Variants in ARHGAP29 observed in about 807,000 individuals in gnomAD.
ARHGAP29 encodes Rho GTPase activating protein 29, also known as rho GTPase-activating protein 29.
A neutral mutation model predicts 122.6 loss-of-function variants in ARHGAP29; 43 were observed. The ratio of observed to expected loss-of-function variants is 0.35; its 90% CI spans 0.27 to 0.45. The LOEUF (loss-of-function observed/expected upper bound fraction) is 0.45. Among genes scored for constraint, ARHGAP29 ranks in the 20% least tolerant of loss-of-function variants. ARHGAP29 has a pLI of 1.00. For missense variants in ARHGAP29, 1,303 were observed against 1,477.2 expected (o/e 0.88, Z 1.93); for synonymous variants, 506 against 497.1 (o/e 1.02, Z -0.24).
Position 94,264,738 on chromosome 1 carries a change from C to T in ARHGAP29, c.-33+10274G>A, listed in dbSNP as rs369773038. 1.9e-4 allele frequency among the ~76,000 whole-genome samples: 29 copies of T among 152,282 alleles called. No homozygotes were observed. The South Asian group carries it at 3.3e-3, about 17-fold the overall frequency. On this transcript the variant is annotated intron_variant and NMD_transcript_variant, in intron 1 of 25. Transcript: ENST00000552844. ...TGATTTAGCTTTGCATGTCACAATCCTCCATCTCACCCCATCCCCGGTCTT... is the reference window on the plus strand; with the variant it reads ...TGATTTAGCTTTGCATGTCACAATCTTCCATCTCACCCCATCCCCGGTCTT...
intron 1 of ARHGAP29, among the ~76,000 whole-genome samples, chr1:94,264,266 T>C (rs539900295): frequency 6.6e-6 from 1 of 152,296 alleles, no homozygotes; most frequent in South Asian, 2.1e-4. Flanking sequence ...AGTTCTTTGG[T>C]TCCTCTCTGA....
At chr1:94,190,173 A>C in intron 12 of ARHGAP29, 90 bp from the exon 13 acceptor site, 1 of 1,349,166 alleles carries the variant, frequency 7.4e-7, no homozygotes, top group Non-Finnish European at 1.0e-6. Flanking sequence ...CACCAATAAA[A>C]ATGCCATACA....
chr1:94,266,198 G>T (rs552716853), intron 1 of ARHGAP29, among the ~76,000 whole-genome samples: 2 of 152,268 alleles, frequency 1.3e-5, no homozygotes, highest in South Asian at 4.1e-4. Flanking sequence ...CAGGCAAATG[G>T]ACTGGCATGT....
At chr1:94,208,740 A>C (rs1651380383) in intron 5 of ARHGAP29, 92 bp downstream of exon 5, 1 of 1,271,684 alleles carries the variant, frequency 7.9e-7, no homozygotes, top group Non-Finnish European at 1.1e-6. Context: ...GATTACAGGT[A>C]TGAGCCACCA....
intron 11 of ARHGAP29, chr1:94,202,129 A>G: frequency 2.3e-6 from 1 of 434,906 alleles, no homozygotes; most frequent in Admixed American, 4.0e-5. Context: ...ATTCCATATA[A>G]TCTTACAGAA....
intron 1 of ARHGAP29, among the ~76,000 whole-genome samples, chr1:94,259,987 T>C (rs772662546): frequency 1.6e-4 from 24 of 152,178 alleles, no homozygotes; most frequent in Non-Finnish European, 2.6e-4. Flanking sequence ...AATGCAAAAG[T>C]CTCTACGGAG....
At position 94,177,849 on chromosome 1, in the gene ARHGAP29, C is replaced by T; in HGVS notation, c.2796+3G>A. 6.2e-7 allele frequency: 1 copy of T among 1,603,494 alleles called. No individual in the cohort carries two copies. The highest frequency in any genetic ancestry group is 8.5e-7 in the Non-Finnish European group (1 of 1,176,344). ...AATATAATTCTATAAAGGTCAAACT[C>T]ACTTCCTTTGAAGAAAAAAATAGTG... On this transcript the variant is annotated splice_donor_region_variant and intron_variant, in intron 21 of 22. Transcript: ENST00000260526.
chr1:94,272,018 G>A (rs545952648), intron 1 of ARHGAP29, among the ~76,000 whole-genome samples: 2 of 152,142 alleles, frequency 1.3e-5, no homozygotes, highest in East Asian at 1.9e-4. Flanking sequence ...ATGAGCCCAG[G>A]TTATCCACTT....
chr1:94,281,752 A>G, the ARHGAP29 span, among the ~76,000 whole-genome samples: 3 of 152,048 alleles, frequency 2.0e-5, no homozygotes, highest in Non-Finnish European at 4.4e-5. Context: ...GCTATAGAGT[A>G]TAAACAGTAG....
At chr1:94,281,571 G>A in the ARHGAP29 span, among the ~76,000 whole-genome samples, 4 of 152,288 alleles carry the variant, frequency 2.6e-5, no homozygotes, top group Middle Eastern at 3.4e-3. Flanking sequence ...GAAATAAGAT[G>A]AAAGAATTTA....
intron 12 of ARHGAP29, chr1:94,192,054 T>G (rs989686972): frequency 6.6e-6 from 1 of 152,186 alleles, no homozygotes; most frequent in African/African-American, 2.4e-5. Flanking sequence ...ATCCTGGATT[T>G]TATAATTCTT....
chr1:94,175,169 C>T lies in ARHGAP29; in HGVS notation c.2906-420G>A, dbSNP rs116303879. Among the ~76,000 whole-genome samples the T allele has an allele frequency of 3.7e-3, 571 of 152,312 alleles. 2 individuals are homozygous for T. The highest frequency in any genetic ancestry group is 6.2e-3 in the Non-Finnish European group (423 of 68,020). On this transcript the variant is annotated intron_variant, in intron 22 of 22. Coordinates refer to ENST00000260526, the MANE Select transcript of ARHGAP29 (RefSeq NM_004815.4). ...GAATCCCAAGGATTTTGCCAACTCA[C>T]TCAATCTGCTTTTCAGTTACACTCA...
At chr1:94,244,320 A>G (rs79924451) in intron 1 of ARHGAP29, among the ~76,000 whole-genome samples, 2,654 of 152,158 alleles carry the variant, frequency 0.017, 72 homozygotes, top group African/African-American at 0.061. Flanking sequence ...ATAATGCCCA[A>G]GAAGGGTCTG....
rs202196663 is a variant in ARHGAP29 at position 94,179,973 on chromosome 1, T to C, written c.2248-16A>G. 13 of 1,542,436 alleles carry C rather than the reference T, an allele frequency of 8.4e-6. No homozygotes were observed. In the East Asian group the frequency reaches 2.5e-4, roughly 29 times the overall value. ...GTTCTGGGAGCTAAAGAAATAAAAT[T>C]ACATTGGGGTAAGCATTCTATTTTT... On this transcript the variant is annotated splice_polypyrimidine_tract_variant and intron_variant, in intron 19 of 22. Coordinates refer to ENST00000260526, the MANE Select transcript of ARHGAP29 (RefSeq NM_004815.4).
At chr1:94,243,166 C>T (rs1653664915) in intron 1 of ARHGAP29, among the ~76,000 whole-genome samples, 1 of 152,052 alleles carries the variant, frequency 6.6e-6, no homozygotes, top group African/African-American at 2.4e-5. Context: ...TCATTAAGGA[C>T]ATAGAATACT....
intron 8 of ARHGAP29, among the ~76,000 whole-genome samples, chr1:94,203,696 C>T (rs918671363): frequency 3.9e-5 from 6 of 152,164 alleles, no homozygotes; most frequent in Admixed American, 2.6e-4. Context: ...GATCACGCCA[C>T]TGCACTCCAG....
In ARHGAP29 at chr1:94,173,772, A is replaced by G; in HGVS notation, c.*97T>C. 1 of 1,418,824 alleles carries G rather than the reference A, an allele frequency of 7.0e-7. No individual in the cohort carries two copies. Among genetic ancestry groups the G allele is most frequent in the East Asian group, 2.3e-5 (1 of 43,574 alleles). 87.9% of individuals were successfully genotyped at this position (1,418,824 alleles called of 1,614,324 possible). On this transcript the variant is annotated 3_prime_UTR_variant, in exon 23 of 23. Transcript: ENST00000260526. ...GCAAAACCCATGATTTGGCAGTCCT[A>G]TACAAAAGAGGCCCTGTCAAAACAT...
At chr1:94,252,961 C>T (rs1416346240) in intron 1 of ARHGAP29, among the ~76,000 whole-genome samples, 1 of 151,848 alleles carries the variant, frequency 6.6e-6, no homozygotes, top group Non-Finnish European at 1.5e-5. Flanking sequence ...AGAGCTTATT[C>T]ACTTCATTCT....
At chr1:94,286,913 G>A in the ARHGAP29 span, among the ~76,000 whole-genome samples, 49,937 of 151,926 alleles carry the variant, frequency 0.33, 8,666 homozygotes, top group South Asian at 0.41. Context: ...CAATCACTGG[G>A]TGTCCTCCAA....
Sources: allele counts gnomAD v4.1 joint callset (sites outside exome capture counted in the v4.1 genomes callset), GRCh38; gene constraint gnomAD v4.1.1; transcripts MANE v1.5; gene names NCBI Gene and HGNC (gene_info 2026-07-23, HGNC 2026-07-21).